Variants in C7 observed in about 807,000 individuals in gnomAD.
C7 encodes complement component C7.
In C7, 83 loss-of-function variants were observed where a neutral mutation model predicts 104.8. That is an observed-to-expected ratio of 0.79 (90% CI 0.66 to 0.95). The LOEUF (loss-of-function observed/expected upper bound fraction) is 0.95. Among genes scored for constraint, C7 ranks in the 40% least tolerant of loss-of-function variants. The probability of loss-of-function intolerance (pLI) is 0.00; values close to 1 mark genes in which losing one functional copy is unlikely to be tolerated. For synonymous variants in C7, 415 were observed against 360.6 expected, an observed-to-expected ratio of 1.15 and a Z score of -1.71; for missense variants, 1,070 against 1,011.2, an observed-to-expected ratio of 1.06 and a Z score of -0.79.
intron 10 of C7, among the ~76,000 whole-genome samples, chr5:40,957,694 A>G (rs1740320346): frequency 6.6e-6 from 1 of 151,492 alleles, no homozygotes; most frequent in Admixed American, 6.6e-5. Flanking sequence ...ACCTCAGGTG[A>G]TCCCCCCTGC....
At chr5:40,939,209 A>G (rs1197076327) in intron 6 of C7, among the ~76,000 whole-genome samples, 2 of 152,224 alleles carry the variant, frequency 1.3e-5, no homozygotes, top group African/African-American at 4.8e-5. Flanking sequence ...CCAATTTACC[A>G]TAGAATAAGT....
intron 3 of C7, 147 bp from the exon 4 acceptor site, chr5:40,934,178 T>G (rs997652087): frequency 2.7e-6 from 2 of 747,496 alleles, no homozygotes; most frequent in Non-Finnish European, 3.9e-6. Context: ...AGGTTTTATT[T>G]CTGTAGAACA....
At chr5:40,972,177 G>T (rs1329204629) in intron 14 of C7, 2 of 572,310 alleles carry the variant, frequency 3.5e-6, no homozygotes, top group East Asian at 3.1e-5. Flanking sequence ...TGAGGGGAGG[G>T]GTGGGAGAGG....
chr5:40,969,028 G>A (rs960907743), intron 14 of C7, among the ~76,000 whole-genome samples: 3 of 152,194 alleles, frequency 2.0e-5, no homozygotes, highest in African/African-American at 7.2e-5. Context: ...AGAAAGTACA[G>A]AGAGCGCCCA....
chr5:40,976,892 A>G, intron 16 of C7, 52 bp downstream of exon 16: 1 of 1,348,334 alleles, frequency 7.4e-7, no homozygotes, highest in Non-Finnish European at 1.0e-6. Context: ...ATGATAAGGG[A>G]TAATTTCTTA....
intron 14 of C7, among the ~76,000 whole-genome samples, chr5:40,969,586 C>G (rs914784977): frequency 6.6e-6 from 1 of 152,156 alleles, no homozygotes; most frequent in Non-Finnish European, 1.5e-5. Context: ...TATCTCTATT[C>G]CAAGGATGTG....
At chr5:40,960,838 C>T (rs1211761567) in intron 12 of C7, among the ~76,000 whole-genome samples, 2 of 151,966 alleles carry the variant, frequency 1.3e-5, no homozygotes, top group Non-Finnish European at 2.9e-5. Flanking sequence ...TTATTTTGAC[C>T]TTAGAGGCAG....
chr5:40,964,698 A>C (rs1161382339), intron 13 of C7, 43 bp from the exon 14 acceptor site: 1 of 1,585,780 alleles, frequency 6.3e-7, no homozygotes, highest in East Asian at 2.2e-5. Context: ...GTTAATGCAA[A>C]ATAGACAAAC....
intron 1 of C7, among the ~76,000 whole-genome samples, chr5:40,909,904 G>T (rs945024037): frequency 2.0e-5 from 3 of 149,392 alleles, no homozygotes; most frequent in Admixed American, 6.7e-5. Context: ...GTTTATGAAA[G>T]TCCCGATAAA....
At position 40,936,319 on chromosome 5, in the gene C7, G is replaced by A. The variant is rs1201308303; in HGVS notation, c.281-19G>A. The A allele has an allele frequency of 6.2e-7, 1 of 1,612,238 alleles. No homozygotes were observed. The highest frequency in any genetic ancestry group is 8.5e-7 in the Non-Finnish European group (1 of 1,179,020). ...TCTTCCCTCTTTTACATTTGCACGT[G>A]GATTTCTCTGGTGTTCAGGTCAGTG... On this transcript the variant is annotated intron_variant, in intron 4 of 17. Coordinates refer to ENST00000313164, the MANE Select transcript of C7 (RefSeq NM_000587.4).
At chr5:40,923,905 G>A (rs144018196) in intron 1 of C7, among the ~76,000 whole-genome samples, 125 of 150,554 alleles carry the variant, frequency 8.3e-4, no homozygotes, top group African/African-American at 2.6e-3. Context: ...TCCAACATGG[G>A]GATTACATTT....
intron 7 of C7, among the ~76,000 whole-genome samples, chr5:40,946,086 A>G (rs1245183805): frequency 6.6e-6 from 1 of 151,792 alleles, no homozygotes. Flanking sequence ...AAATCTAATT[A>G]ATGCTTATAT....
chr5:40,977,378 A>C (rs1465056550), intron 16 of C7, among the ~76,000 whole-genome samples: 2 of 152,238 alleles, frequency 1.3e-5, no homozygotes, highest in Non-Finnish European at 2.9e-5. Flanking sequence ...AAATTAGGAC[A>C]AGAAAAGCTT....
Position 40,973,012 on chromosome 5 carries a change from A to T in C7, c.2074+418A>T, listed in dbSNP as rs114666426. On this transcript the variant is annotated intron_variant, in intron 15 of 17. Transcript: ENST00000313164. The stretch of plus-strand genomic sequence containing the variant: ...TGTATGTTTCATTTTTGGGCTTTCA[A>T]AGAGTTTATCAGTATTTCTGAAATT... Among the ~76,000 whole-genome samples, 818 of 152,280 alleles carry T rather than the reference A, an allele frequency of 5.4e-3. 7 individuals carry two copies. The highest frequency in any genetic ancestry group is 0.019 in the African/African-American group (774 of 41,550).
At chr5:40,942,722 A>G (rs997343775) in intron 6 of C7, among the ~76,000 whole-genome samples, 2 of 150,684 alleles carry the variant, frequency 1.3e-5, no homozygotes, top group African/African-American at 2.4e-5. Context: ...GCACGAATGG[A>G]TTTGTAGTGG....
At chr5:40,947,367 T>C (rs1209404886) in intron 7 of C7, among the ~76,000 whole-genome samples, 1 of 151,806 alleles carries the variant, frequency 6.6e-6, no homozygotes, top group Admixed American at 6.6e-5. Context: ...ATTATAGGAG[T>C]GAGCCACCTT....
intron 1 of C7, among the ~76,000 whole-genome samples, chr5:40,922,649 C>A (rs1739465123): frequency 6.8e-6 from 1 of 146,394 alleles, no homozygotes; most frequent in Non-Finnish European, 1.5e-5. Context: ...TGCAGTGAGC[C>A]AAGATCGCAC....
chr5:40,957,737 T>G (rs1014630928), intron 10 of C7, among the ~76,000 whole-genome samples: 1 of 151,046 alleles, frequency 6.6e-6, no homozygotes, highest in Admixed American at 6.6e-5. Context: ...GTTACAGGCG[T>G]GAGTCATCGC....
At chr5:40,947,969 A>T (rs541409567) in intron 8 of C7, 124 bp downstream of exon 8, 2 of 1,012,408 alleles carry the variant, frequency 2.0e-6, no homozygotes, top group Non-Finnish European at 3.0e-6. Context: ...TTGCAAAGGA[A>T]TCTAAAATTG....
Sources: gnomAD v4.1 joint callset for allele counts (sites outside exome capture counted in the v4.1 genomes callset) on GRCh38, gnomAD v4.1.1 for gene constraint, MANE v1.5 for transcripts, NCBI Gene and HGNC (gene_info 2026-07-23, HGNC 2026-07-21) for gene names.